Variants in STX1B observed in about 807,000 individuals in gnomAD.
STX1B encodes syntaxin 1B, also known as syntaxin-1B.
Under a neutral mutation model 39.4 loss-of-function variants are expected in STX1B, and 7 were observed. The ratio of observed to expected loss-of-function variants is 0.18; its 90% confidence interval spans 0.10 to 0.33. The LOEUF (loss-of-function observed/expected upper bound fraction) is 0.33. STX1B is among the 10% of genes least tolerant of loss of function. STX1B has a pLI of 1.00. For missense variants in STX1B, 198 were observed against 383.2 expected (o/e 0.52, Z 4.04); for synonymous variants, 136 against 144.1 (o/e 0.94, Z 0.40).
chr16:31,009,852 CT>C (rs924523190), intron 1 of STX1B, among the ~76,000 whole-genome samples: 1 of 152,034 alleles, frequency 6.6e-6, no homozygotes, highest in Non-Finnish European at 1.5e-5. Context: ...GAGATGCCCC[CT>C]CCCTATAGGG....
At position 30,992,277 on chromosome 16, in the gene STX1B, G is replaced by A. The variant is rs2056563580; in HGVS notation, c.*544C>T. On this transcript the variant is annotated 3_prime_UTR_variant, in exon 10 of 10. Coordinates refer to ENST00000215095, the MANE Select transcript of STX1B (RefSeq NM_052874.5). ...GTTTGTAGCAGACACAAAGGGCTCAGGTATCAGTGGCTTTGTTGCTGTTGC... is the reference window on the plus strand; with the variant it reads ...GTTTGTAGCAGACACAAAGGGCTCAAGTATCAGTGGCTTTGTTGCTGTTGC... 6.5e-6 allele frequency: 1 copy of A among 152,808 alleles called. No individual in the cohort carries two copies. Among genetic ancestry groups the A allele is most frequent in the South Asian group, 2.1e-4 (1 of 4,858 alleles). 9.5% of individuals were successfully genotyped at this position (152,808 alleles called of 1,614,324 possible).
chr16:31,010,114 C>A (rs1026058783), intron 1 of STX1B, among the ~76,000 whole-genome samples: 2 of 152,110 alleles, frequency 1.3e-5, no homozygotes, highest in Admixed American at 1.3e-4. Context: ...CCTGGGAATG[C>A]GGGGTGTTCG....
chr16:30,994,848 C>T (rs573408781), intron 7 of STX1B, among the ~76,000 whole-genome samples: 1 of 146,682 alleles, frequency 6.8e-6, no homozygotes, highest in African/African-American at 2.5e-5. Context: ...TTCTATAAGC[C>T]GAAATCATAC....
At chr16:31,000,496 T>C (rs983412216) in intron 4 of STX1B, among the ~76,000 whole-genome samples, 3 of 151,502 alleles carry the variant, frequency 2.0e-5, no homozygotes, top group African/African-American at 7.3e-5. Flanking sequence ...CATGCCCAGC[T>C]AATTTTTTTT....
At chr16:31,007,836 T>A (rs2056662374) in intron 1 of STX1B, among the ~76,000 whole-genome samples, 1 of 152,098 alleles carries the variant, frequency 6.6e-6, no homozygotes, top group Non-Finnish European at 1.5e-5. Context: ...ATTAACTACT[T>A]CCAGTCCTCA....
At chr16:30,993,293 G>A in intron 8 of STX1B, 53 bp from the exon 9 acceptor site, 1 of 1,613,454 alleles carries the variant, frequency 6.2e-7, no homozygotes, top group Non-Finnish European at 8.5e-7. Flanking sequence ...GCTGGAAGAG[G>A]GGACCTCAGG....
chr16:30,996,603 T>G, intron 7 of STX1B, 80 bp downstream of exon 7: 2 of 1,293,002 alleles, frequency 1.5e-6, no homozygotes, highest in Non-Finnish European at 2.2e-6. Context: ...AGGGTGGACT[T>G]AGGACCTTAG....
intron 4 of STX1B, among the ~76,000 whole-genome samples, chr16:31,000,332 G>GTTTT (rs55729102): frequency 8.1e-6 from 1 of 123,386 alleles, no homozygotes; most frequent in African/African-American, 3.0e-5. Context: ...TTTGTTTTTT[G>GTTTT]TTTTTTTTTT....
At chr16:30,999,419 G>A (rs1397570986) in intron 4 of STX1B, among the ~76,000 whole-genome samples, 4 of 152,182 alleles carry the variant, frequency 2.6e-5, no homozygotes, top group African/African-American at 9.7e-5. Flanking sequence ...CATTGGAGGT[G>A]CTCAGCATAT....
intron 7 of STX1B, among the ~76,000 whole-genome samples, chr16:30,994,594 A>G (rs1333476499): frequency 6.9e-6 from 1 of 144,676 alleles, no homozygotes; most frequent in Non-Finnish European, 1.5e-5. Context: ...TGCTGAAAAA[A>G]AAAAAAAAAG....
chr16:30,996,425 G>C, intron 7 of STX1B: 1 of 414,490 alleles, frequency 2.4e-6, no homozygotes, highest in East Asian at 4.2e-5. Context: ...TTTCCTCGAA[G>C]GGGATGTGTG....
chr16:31,010,503 G>C lies in STX1B; in HGVS notation c.-107C>G. 1.3e-6 allele frequency: 1 copy of C among 760,234 alleles called. No homozygotes were observed. Among genetic ancestry groups the C allele is most frequent in the Non-Finnish European group, 1.7e-6 (1 of 578,312 alleles). The allele number at this position is 760,234 out of a possible 1,614,324, so 47.1% of individuals were successfully genotyped here. ...GGGTCTGGGGGCGCCGGGGGGCGCC[G>C]CGGCCGCTGCGGGGGGCCTGCGGGC... On this transcript the variant is annotated 5_prime_UTR_variant, in exon 1 of 10. Transcript: ENST00000215095.
intron 7 of STX1B, among the ~76,000 whole-genome samples, chr16:30,994,527 C>T (rs1401426512): frequency 6.6e-6 from 1 of 150,884 alleles, no homozygotes; most frequent in African/African-American, 2.4e-5. Flanking sequence ...GAGGTCGAGG[C>T]TGCAGTGAGC....
chr16:30,993,104 A>T, intron 9 of STX1B, 26 bp downstream of exon 9: 1 of 1,607,498 alleles, frequency 6.2e-7, no homozygotes, highest in Non-Finnish European at 8.5e-7. Context: ...TCCCCCGCCT[A>T]CCCCCAGGCC....
intron 7 of STX1B, 33 bp downstream of exon 7, chr16:30,996,650 C>T: frequency 1.2e-6 from 2 of 1,605,470 alleles, no homozygotes; most frequent in Non-Finnish European, 1.7e-6. Context: ...CAAAAATTTT[C>T]CAAAAGCAGA....
chr16:30,995,904 C>T (rs1260775474), intron 7 of STX1B, among the ~76,000 whole-genome samples: 4 of 151,972 alleles, frequency 2.6e-5, no homozygotes, highest in Non-Finnish European at 5.9e-5. Context: ...AGGCTGGATT[C>T]GGTGGTTCAC....
chr16:31,008,719 G>A (rs1412760680), intron 1 of STX1B, among the ~76,000 whole-genome samples: 1 of 152,138 alleles, frequency 6.6e-6, no homozygotes, highest in African/African-American at 2.4e-5. Flanking sequence ...AACTGAGGAG[G>A]GGAATTGACA....
chr16:30,997,353 CCGCCCGCTCTAGCCT>C (rs2056600293), intron 5 of STX1B, 134 bp downstream of exon 5: 1 of 714,088 alleles, frequency 1.4e-6, no homozygotes, highest in Non-Finnish European at 2.3e-6. Flanking sequence ...GCCCAGGGCC[CCGCCCGCTCTAGCCT>C]CGCCCCCAGA....
chr16:31,001,420 G>A lies in STX1B; in HGVS notation c.105+109C>T. 1.1e-6 allele frequency: 1 copy of A among 933,814 alleles called. No individual in the cohort carries two copies. The highest frequency in any genetic ancestry group is 1.6e-6 in the Non-Finnish European group (1 of 622,004). 57.8% of individuals were successfully genotyped at this position (933,814 alleles called of 1,614,324 possible). ...CGGTGGGACTAGGGGCTGGGGCTGG[G>A]TGCTGGGGCTGGGGCTGGGTGCCGG... is the stretch of plus-strand genomic sequence containing the variant. On this transcript the variant is annotated intron_variant, in intron 2 of 9. Coordinates refer to ENST00000215095, the MANE Select transcript of STX1B (RefSeq NM_052874.5). This position sits in a 1 kb window ranked among gnomAD's most constrained non-coding sequence, Gnocchi z 5.5.
Sources: gnomAD v4.1 joint callset for allele counts (sites outside exome capture counted in the v4.1 genomes callset) on GRCh38, gnomAD v4.1.1 for gene constraint, Gnocchi (gnomAD v3.1) non-coding constraint, MANE v1.5 for transcripts, NCBI Gene and HGNC (gene_info 2026-07-23, HGNC 2026-07-21) for gene names.